Variants in CSMD1 observed in about 807,000 individuals in gnomAD.
CSMD1 encodes the protein CUB and Sushi multiple domains 1, also known as CUB and sushi domain-containing protein 1.
A neutral mutation model predicts 417.5 loss-of-function variants in CSMD1; 213 were observed. The ratio of observed to expected loss-of-function variants is 0.51; its 90% CI spans 0.46 to 0.57. The LOEUF (loss-of-function observed/expected upper bound fraction) is 0.57. Ranked by LOEUF, CSMD1 falls within the 20% of genes least tolerant of loss-of-function variation. The pLI is 0.00. For missense variants in CSMD1, 6,923 were observed against 4,529.7 expected (o/e 1.53, Z -15.17); for synonymous variants, 2,862 against 1,736.8 (o/e 1.65, Z -16.11).
At chr8:3,182,880 G>GTGTGTGTGTGTGTGTGTGTGTGTT (rs1821475866) in intron 36 of CSMD1, 1 of 141,758 alleles carries the variant, frequency 7.1e-6, no homozygotes, top group Non-Finnish European at 1.5e-5. Context: ...GTGTGTGTGT[G>GTGTGTGTGTGTGTGTGTGTGTGTT]TGTGTGTGTG....
chr8:3,225,427 G>A (rs966149012), intron 27 of CSMD1, among the ~76,000 whole-genome samples: 3 of 150,982 alleles, frequency 2.0e-5, no homozygotes, highest in Non-Finnish European at 4.4e-5. Context: ...TTGTGCAGAA[G>A]CAATTGTCCC....
At chr8:4,177,393 A>C (rs1339813053) in intron 3 of CSMD1, among the ~76,000 whole-genome samples, 3 of 152,206 alleles carry the variant, frequency 2.0e-5, no homozygotes, top group Admixed American at 2.0e-4. Context: ...GAGAACAAAG[A>C]CACAACATAC....
At chr8:3,509,592 G>C (rs1318608061) in intron 10 of CSMD1, among the ~76,000 whole-genome samples, 1 of 152,150 alleles carries the variant, frequency 6.6e-6, no homozygotes, top group East Asian at 1.9e-4. Context: ...TATGTTAGAA[G>C]CTATATCTAG....
At chr8:4,756,876 G>C (rs1022553679) in intron 1 of CSMD1, among the ~76,000 whole-genome samples, 3 of 152,326 alleles carry the variant, frequency 2.0e-5, no homozygotes, top group Middle Eastern at 3.4e-3. Context: ...TTTTTAACCT[G>C]AAAGCAAACT....
In CSMD1 at chr8:4,448,734, G is replaced by C. The variant is rs367706995; in HGVS notation, c.303-28669C>G. 3.0e-4 allele frequency among the ~76,000 whole-genome samples: 46 copies of C among 152,160 alleles called. 1 individual carries two copies. The South Asian group carries it at 8.3e-3, about 28-fold the overall frequency. ...CCCATTTCATCTTAATTTCACTTTTGAATTTTTCTGAATGACATAATGACA... is the reference window on the plus strand; with the variant it reads ...CCCATTTCATCTTAATTTCACTTTTCAATTTTTCTGAATGACATAATGACA... On this transcript the variant is annotated intron_variant, in intron 2 of 69. Coordinates refer to ENST00000635120, the MANE Select transcript of CSMD1 (RefSeq NM_033225.6).
At chr8:3,707,093 C>T (rs1404436910) in intron 7 of CSMD1, among the ~76,000 whole-genome samples, 1 of 152,106 alleles carries the variant, frequency 6.6e-6, no homozygotes. Flanking sequence ...ACATGTTTAC[C>T]TCTCTGTCCT....
At chr8:3,302,177 T>C (rs1804465300) in intron 25 of CSMD1, among the ~76,000 whole-genome samples, 2 of 151,844 alleles carry the variant, frequency 1.3e-5, no homozygotes, top group Non-Finnish European at 1.5e-5. Flanking sequence ...ATGTGAGGAG[T>C]TGGGAACACG....
chr8:3,762,520 C>A (rs1414369020), intron 5 of CSMD1, among the ~76,000 whole-genome samples: 3 of 152,180 alleles, frequency 2.0e-5, no homozygotes, highest in Non-Finnish European at 4.4e-5. Context: ...ATGTTTATAT[C>A]CTCTGTGACT....
chr8:4,134,341 C>G (rs1166752951), intron 3 of CSMD1, among the ~76,000 whole-genome samples: 1 of 152,108 alleles, frequency 6.6e-6, no homozygotes, highest in Non-Finnish European at 1.5e-5. Context: ...AAGGTGGGTC[C>G]TCATCCATGA....
At chr8:4,902,735 G>A (rs1413925600) in intron 1 of CSMD1, among the ~76,000 whole-genome samples, 8 of 151,926 alleles carry the variant, frequency 5.3e-5, no homozygotes, top group African/African-American at 9.7e-5. Flanking sequence ...TATATAAATG[G>A]AAAATGTGTC....
chr8:4,076,659 T>G (rs1311050132), intron 3 of CSMD1, among the ~76,000 whole-genome samples: 1 of 152,230 alleles, frequency 6.6e-6, no homozygotes, highest in Non-Finnish European at 1.5e-5. Context: ...TAACAAGGCC[T>G]TATGCATCGT....
intron 3 of CSMD1, among the ~76,000 whole-genome samples, chr8:4,051,904 C>G (rs1263148003): frequency 6.8e-6 from 1 of 146,498 alleles, no homozygotes; most frequent in Non-Finnish European, 1.5e-5. Context: ...TCCTTCCTTC[C>G]TTCCTTCCTT....
intron 1 of CSMD1, among the ~76,000 whole-genome samples, chr8:4,799,808 G>C (rs577027316): frequency 5.3e-4 from 80 of 151,920 alleles, no homozygotes; most frequent in African/African-American, 1.8e-3. Flanking sequence ...GTGACAATAT[G>C]CAAAGAGATA....
chr8:3,360,505 G>A (rs1011701577), intron 20 of CSMD1, among the ~76,000 whole-genome samples: 1 of 152,300 alleles, frequency 6.6e-6, no homozygotes, highest in Middle Eastern at 3.4e-3. Context: ...TGTTTCCCCA[G>A]TCTGTAATGC....
chr8:4,278,747 G>C (rs1368080761), intron 3 of CSMD1, among the ~76,000 whole-genome samples: 1 of 152,078 alleles, frequency 6.6e-6, no homozygotes, highest in Non-Finnish European at 1.5e-5. Flanking sequence ...TGTTTGACTT[G>C]GTATAAGATC....
intron 25 of CSMD1, among the ~76,000 whole-genome samples, chr8:3,300,826 G>C (rs185171216): frequency 2.0e-5 from 3 of 151,800 alleles, no homozygotes; most frequent in Non-Finnish European, 4.4e-5. Flanking sequence ...GGGTGTGGTG[G>C]CACATGCATG....
chr8:4,400,674 G>C (rs990882951), intron 3 of CSMD1, among the ~76,000 whole-genome samples: 1 of 151,144 alleles, frequency 6.6e-6, no homozygotes, highest in South Asian at 2.1e-4. Flanking sequence ...ATTTTAGGCC[G>C]TTCAGGCTAA....
At chr8:4,839,211 G>C (rs974177549) in intron 1 of CSMD1, among the ~76,000 whole-genome samples, 8 of 152,262 alleles carry the variant, frequency 5.3e-5, no homozygotes, top group African/African-American at 1.7e-4. Context: ...GAGTCACTCT[G>C]AATATGCAAA....
At chr8:4,243,094 A>G (rs1421215268) in intron 3 of CSMD1, among the ~76,000 whole-genome samples, 1 of 152,104 alleles carries the variant, frequency 6.6e-6, no homozygotes, top group Non-Finnish European at 1.5e-5. Flanking sequence ...AGGTCTTAGA[A>G]TCCGGAACAT....
Sources: gnomAD v4.1 joint callset for allele counts (sites outside exome capture counted in the v4.1 genomes callset) on GRCh38, gnomAD v4.1.1 for gene constraint, MANE v1.5 for transcripts, NCBI Gene and HGNC (gene_info 2026-07-23, HGNC 2026-07-21) for gene names.